JAKMIP1: variants seen among roughly 807,000 people sequenced by gnomAD.
JAKMIP1 encodes the protein janus kinase and microtubule-interacting protein 1.
Under a neutral mutation model 113.0 loss-of-function variants are expected in JAKMIP1, and 33 were observed. The observed-to-expected ratio is 0.29, with a 90% confidence interval of 0.22 to 0.39. The LOEUF is 0.39. JAKMIP1 is among the 10% of genes least tolerant of loss of function. The pLI is 1.00. For missense variants in JAKMIP1, 813 were observed against 1,080.5 expected (o/e 0.75, Z 3.47); for synonymous variants, 480 against 459.9 (o/e 1.04, Z -0.56).
intron 1 of JAKMIP1, among the ~76,000 whole-genome samples, chr4:6,163,935 T>C (rs73075479): frequency 0.022 from 3,348 of 152,268 alleles, 121 homozygotes; most frequent in African/African-American, 0.071. Context: ...AGTCTGAAAC[T>C]AGCAGAGGTT....
At chr4:6,056,879 A>G in intron 11 of JAKMIP1, 120 bp from the exon 12 acceptor site, 1 of 759,090 alleles carries the variant, frequency 1.3e-6, no homozygotes, top group African/African-American at 1.7e-5. Flanking sequence ...ATAAAAAATG[A>G]CAGCCGTGAT....
Position 6,105,673 on chromosome 4 carries a change from T to C in JAKMIP1, c.424A>G (p.Arg142Gly). The change falls in exon 3 of 21, where the codon AGG (arginine) becomes GGG (glycine). Residue 142 changes from arginine (R) to glycine (G), a missense_variant. Arg to Gly is a moderately radical substitution (Grantham distance 125). Coordinates refer to ENST00000409021, the MANE Select transcript of JAKMIP1 (RefSeq NM_001099433.2). ...CGCAGGCGCTCTCCATCGAAGGCCC[T>C]GCGCGCCTCCTCGCGCGCCTCGGTC... The part of the protein sequence containing the change: ...LLTEAREEAR[R>G]AFDGERLRLQ... 1 of 1,602,886 alleles carries C rather than the reference T, an allele frequency of 6.2e-7. No individual in the cohort carries two copies. The highest frequency in any genetic ancestry group is 1.1e-5 in the South Asian group (1 of 89,984).
At chr4:6,028,232 C>A (rs1712116639) in intron 20 of JAKMIP1, among the ~76,000 whole-genome samples, 1 of 152,238 alleles carries the variant, frequency 6.6e-6, no homozygotes. Flanking sequence ...CTTGAGACCC[C>A]CTTGGGTTCT....
rs957398907 is a variant in JAKMIP1, at chr4:6,084,553, AT to A, written c.954+292del. Among the ~76,000 whole-genome samples the A allele has an allele frequency of 2.0e-5, 3 of 151,850 alleles. No homozygotes were observed. The East Asian group carries it at 5.8e-4, about 29-fold the overall frequency. ...GGGTTTTTTGGTTTTTTAATTGTTG[AT>A]TTTTTTCGGTTTCGGTTGTTAACAT... is the stretch of plus-strand genomic sequence containing the variant. On this transcript the variant is annotated intron_variant, in intron 5 of 20. Coordinates refer to ENST00000409021, the MANE Select transcript of JAKMIP1 (RefSeq NM_001099433.2).
At chr4:6,109,078 G>A (rs1260295580) in intron 2 of JAKMIP1, among the ~76,000 whole-genome samples, 1 of 151,704 alleles carries the variant, frequency 6.6e-6, no homozygotes, top group Non-Finnish European at 1.5e-5. Flanking sequence ...AGAAACTGCT[G>A]GGTCTAGCGC....
At chr4:6,174,997 C>T (rs138116898) in intron 1 of JAKMIP1, among the ~76,000 whole-genome samples, 16 of 152,264 alleles carry the variant, frequency 1.1e-4, no homozygotes, top group African/African-American at 3.9e-4. Context: ...AACAGTAAAA[C>T]GTATCCACAG....
At position 6,176,756 on chromosome 4, in the gene JAKMIP1, G is replaced by C. The variant is rs1239168986; in HGVS notation, c.-148+23497C>G. On this transcript the variant is annotated intron_variant, in intron 1 of 20. Coordinates refer to ENST00000409021, the MANE Select transcript of JAKMIP1 (RefSeq NM_001099433.2). The surrounding 1 kb of genome is among the most constrained non-coding windows in gnomAD (Gnocchi z 5.5). Reference sequence around the variant, plus strand: ...ATATCAAAGTGGTGGGAAAAGCTGGGCGCCATGGCTCACACCTGTAATCCT... The same window carrying C: ...ATATCAAAGTGGTGGGAAAAGCTGGCCGCCATGGCTCACACCTGTAATCCT... Among the ~76,000 whole-genome samples, 1 of 152,180 alleles carries C rather than the reference G, an allele frequency of 6.6e-6. No homozygotes were observed.
chr4:6,101,177 C>CT (rs2108865113), intron 3 of JAKMIP1, among the ~76,000 whole-genome samples: 1 of 152,210 alleles, frequency 6.6e-6, no homozygotes, highest in South Asian at 2.1e-4. Context: ...TATTGTTTTA[C>CT]TTTTTACATG....
intron 1 of JAKMIP1, among the ~76,000 whole-genome samples, chr4:6,191,083 T>C (rs1274843852): frequency 6.6e-6 from 1 of 152,164 alleles, no homozygotes; most frequent in African/African-American, 2.4e-5. Flanking sequence ...AACTCTTCAA[T>C]CCTGGTGCAA....
At chr4:6,036,148 G>A (rs1713403925) in intron 18 of JAKMIP1, 41 bp from the exon 19 acceptor site, 4 of 1,452,776 alleles carry the variant, frequency 2.8e-6, no homozygotes, top group Non-Finnish European at 3.7e-6. Context: ...AGGTCACAAG[G>A]AGGTGGACAG....
intron 18 of JAKMIP1, among the ~76,000 whole-genome samples, chr4:6,039,214 G>A (rs964125643): frequency 1.3e-5 from 2 of 152,184 alleles, no homozygotes; most frequent in Non-Finnish European, 2.9e-5. Context: ...TCCTGAGTTG[G>A]TGCTTAGACA....
At chr4:6,118,105 A>C (rs1716109324) in intron 1 of JAKMIP1, among the ~76,000 whole-genome samples, 1 of 152,248 alleles carries the variant, frequency 6.6e-6, no homozygotes, top group African/African-American at 2.4e-5. Flanking sequence ...GGAAGTGATA[A>C]GTGTCCATGA....
chr4:6,131,865 T>C (rs1377891535), intron 1 of JAKMIP1, among the ~76,000 whole-genome samples: 7 of 152,106 alleles, frequency 4.6e-5, no homozygotes, highest in Admixed American at 4.6e-4. Flanking sequence ...AAATTATCCT[T>C]CAAAAATGAA....
At chr4:6,110,259 A>C (rs1399464358) in intron 2 of JAKMIP1, among the ~76,000 whole-genome samples, 1 of 152,134 alleles carries the variant, frequency 6.6e-6, no homozygotes, top group Non-Finnish European at 1.5e-5. Context: ...GAAAATACAG[A>C]CATGGACAAA....
At chr4:6,117,882 A>G (rs1226727546) in intron 1 of JAKMIP1, among the ~76,000 whole-genome samples, 1 of 152,250 alleles carries the variant, frequency 6.6e-6, no homozygotes. Flanking sequence ...GTCAGAGTTT[A>G]AGGTTCTCTC....
At position 6,068,544 on chromosome 4, in the gene JAKMIP1, T is replaced by A. The variant is rs187842850; in HGVS notation, c.1303-3536A>T. Among the ~76,000 whole-genome samples, 754 of 139,024 alleles carry A rather than the reference T, an allele frequency of 5.4e-3. 4 individuals are homozygous for A. The highest frequency in any genetic ancestry group is 0.018 in the African/African-American group (694 of 38,030). The allele number at this position is 139,024 out of a possible 152,430, so 91.2% of individuals were successfully genotyped here. Reference sequence around the variant, plus strand: ...CTCAGGTTTTTATGCTGGGTATTTTTAAAAATTTTTTAACTTTTTTTTTTT... The same window carrying A: ...CTCAGGTTTTTATGCTGGGTATTTTAAAAAATTTTTTAACTTTTTTTTTTT... On this transcript the variant is annotated intron_variant, in intron 8 of 20. Transcript: ENST00000409021.
intron 1 of JAKMIP1, among the ~76,000 whole-genome samples, chr4:6,151,644 C>T (rs1467827646): frequency 6.6e-6 from 1 of 152,210 alleles, no homozygotes; most frequent in Non-Finnish European, 1.5e-5. Context: ...GTCCTCCAGT[C>T]CTCCTGGCTG....
At chr4:6,145,492 TAA>T (rs10715044) in intron 1 of JAKMIP1, among the ~76,000 whole-genome samples, 13 of 151,240 alleles carry the variant, frequency 8.6e-5, no homozygotes, top group Middle Eastern at 3.4e-3. Flanking sequence ...TATCCATACC[TAA>T]AAAAAAAAAT....
rs528608672 is a variant in JAKMIP1 at position 6,139,722 on chromosome 4, T to G, written c.-147-26725A>C. 6.6e-6 allele frequency among the ~76,000 whole-genome samples: 1 copy of G among 151,872 alleles called. No homozygotes were observed. The highest frequency in any genetic ancestry group is 1.5e-5 in the Non-Finnish European group (1 of 68,016). ...CGGAGGTTGCAGTGAGCCAAGACCATGCCACTGTGCTCCAGCCTGGGTGAC... is the reference window on the plus strand; with the variant it reads ...CGGAGGTTGCAGTGAGCCAAGACCAGGCCACTGTGCTCCAGCCTGGGTGAC... On this transcript the variant is annotated intron_variant, in intron 1 of 20. Transcript: ENST00000409021. This position sits in a 1 kb window ranked among gnomAD's most constrained non-coding sequence, Gnocchi z 5.2.
Sources: gnomAD v4.1 joint callset for allele counts (sites outside exome capture counted in the v4.1 genomes callset) on GRCh38, gnomAD v4.1.1 for gene constraint, Gnocchi (gnomAD v3.1) non-coding constraint, MANE v1.5 for transcripts, NCBI Gene and HGNC (gene_info 2026-07-23, HGNC 2026-07-21) for gene names.